DYTN: variants seen among roughly 807,000 people sequenced by gnomAD.
DYTN encodes dystrotelin.
DYTN carries 75 observed loss-of-function variants against 69.6 expected under a neutral mutation model. The ratio of observed to expected loss-of-function variants is 1.08; its 90% CI spans 0.89 to 1.31. The LOEUF is 1.31. DYTN is among the 50% of genes most tolerant of loss of function. DYTN has a pLI of 0.00. For synonymous variants in DYTN, 252 were observed against 249.1 expected, an observed-to-expected ratio of 1.01 and a Z score of -0.11; for missense variants, 726 against 688.4, an observed-to-expected ratio of 1.05 and a Z score of -0.61.
At chr2:206,672,716 T>A (rs899929749) in intron 9 of DYTN, among the ~76,000 whole-genome samples, 7 of 152,238 alleles carry the variant, frequency 4.6e-5, no homozygotes, top group Admixed American at 6.5e-5. Context: ...CTGAAAACCT[T>A]TCTTAAGCTC....
At chr2:206,654,086 C>T (rs13395560) in intron 11 of DYTN, among the ~76,000 whole-genome samples, 32,884 of 152,156 alleles carry the variant, frequency 0.22, 3,741 homozygotes, top group Admixed American at 0.27. Context: ...AATGAATTAG[C>T]GATTGAATGA....
chr2:206,654,840 G>A (rs1401500109), intron 11 of DYTN, among the ~76,000 whole-genome samples: 1 of 152,072 alleles, frequency 6.6e-6, no homozygotes, highest in African/African-American at 2.4e-5. Context: ...TCTAGATGGG[G>A]AAAAAAGGAA....
At chr2:206,711,851 T>C (rs1222246621) in intron 1 of DYTN, among the ~76,000 whole-genome samples, 2 of 151,698 alleles carry the variant, frequency 1.3e-5, no homozygotes, top group East Asian at 1.9e-4. Context: ...ATTTTTTCCA[T>C]TGATGCTCCA....
chr2:206,659,779 G>A (rs540146777), intron 11 of DYTN, among the ~76,000 whole-genome samples: 1 of 152,148 alleles, frequency 6.6e-6, no homozygotes, highest in East Asian at 1.9e-4. Context: ...ATATCAAATT[G>A]AATAACGATA....
chr2:206,666,244 G>C (rs552669636), intron 9 of DYTN, among the ~76,000 whole-genome samples: 9 of 152,112 alleles, frequency 5.9e-5, no homozygotes, highest in Non-Finnish European at 1.0e-4. Context: ...TCTGCCTCTT[G>C]GGTTCAAGTG....
At position 206,702,927 on chromosome 2, in the gene DYTN, A is replaced by T. The variant is rs762048936; in HGVS notation, c.483+1916T>A. Among the ~76,000 whole-genome samples the T allele has an allele frequency of 1.6e-3, 247 of 152,268 alleles. 7 individuals carry two copies. The highest frequency in any genetic ancestry group is 0.014 in the Middle Eastern group (4 of 294). On this transcript the variant is annotated intron_variant, in intron 5 of 11. Transcript: ENST00000452335. ...TGGCACACCGGCACAGGCAGACACCACTTGAAACGATAATTATGATGTTTA... is the reference window on the plus strand; with the variant it reads ...TGGCACACCGGCACAGGCAGACACCTCTTGAAACGATAATTATGATGTTTA...
intron 4 of DYTN, among the ~76,000 whole-genome samples, chr2:206,705,254 A>G (rs1030539434): frequency 6.6e-6 from 1 of 151,972 alleles, no homozygotes; most frequent in East Asian, 1.9e-4. Context: ...GTGCCACCAC[A>G]CCCGGCTAAT....
intron 9 of DYTN, among the ~76,000 whole-genome samples, chr2:206,678,415 T>A (rs1296835268): frequency 6.6e-6 from 1 of 152,240 alleles, no homozygotes; most frequent in Non-Finnish European, 1.5e-5. Context: ...TTAAAAATGT[T>A]TGTACTTTTC....
At chr2:206,691,489 A>G (rs1212242875) in intron 9 of DYTN, among the ~76,000 whole-genome samples, 3 of 152,000 alleles carry the variant, frequency 2.0e-5, no homozygotes, top group Non-Finnish European at 4.4e-5. Context: ...TCAAGTATCC[A>G]ATATATATAT....
intron 9 of DYTN, among the ~76,000 whole-genome samples, chr2:206,673,532 A>T (rs1437184367): frequency 6.6e-6 from 1 of 152,212 alleles, no homozygotes; most frequent in Non-Finnish European, 1.5e-5. Context: ...TTGGGGTTAC[A>T]GGCATGAGCC....
intron 9 of DYTN, 131 bp downstream of exon 9, chr2:206,693,044 G>A: frequency 7.5e-7 from 1 of 1,325,620 alleles, no homozygotes; most frequent in Admixed American, 3.1e-5. Flanking sequence ...AATATCTGAA[G>A]TCCAACCCTC....
intron 9 of DYTN, among the ~76,000 whole-genome samples, chr2:206,686,211 C>G (rs1438314855): frequency 6.6e-6 from 1 of 152,064 alleles, no homozygotes; most frequent in Non-Finnish European, 1.5e-5. Flanking sequence ...TTTTCTGTGC[C>G]TTTTTTGGTA....
intron 11 of DYTN, among the ~76,000 whole-genome samples, chr2:206,654,245 T>G (rs547260584): frequency 6.6e-6 from 1 of 152,184 alleles, no homozygotes; most frequent in African/African-American, 2.4e-5. Flanking sequence ...GAATTTGAAC[T>G]GTGTGAGCCA....
At chr2:206,680,549 C>T (rs1418583928) in intron 9 of DYTN, among the ~76,000 whole-genome samples, 1 of 152,088 alleles carries the variant, frequency 6.6e-6, no homozygotes, top group African/African-American at 2.4e-5. Flanking sequence ...TGAATTCCTT[C>T]CAGTATAGTA....
At chr2:206,652,366 C>T (rs1294173849) in intron 11 of DYTN, among the ~76,000 whole-genome samples, 1 of 152,140 alleles carries the variant, frequency 6.6e-6, no homozygotes, top group African/African-American at 2.4e-5. Context: ...TTTTGAGAAC[C>T]AGTGCTCTAT....
intron 9 of DYTN, among the ~76,000 whole-genome samples, chr2:206,692,958 A>G (rs989815482): frequency 3.9e-5 from 6 of 152,214 alleles, no homozygotes; most frequent in Admixed American, 2.0e-4. Context: ...AACTCTAAAC[A>G]TCTGGATGGG....
rs1054613354 is a variant in DYTN at position 206,693,336 on chromosome 2, C to A, written c.832-13G>T. 1 of 1,608,612 alleles carries A rather than the reference C, an allele frequency of 6.2e-7. No homozygotes were observed. ...GCATTGCTGACATCTGCTGAAAGGG[C>A]CAACATTTTTAAAAAGCGTCAGATC... On this transcript the variant is annotated splice_polypyrimidine_tract_variant and intron_variant, in intron 8 of 11. Transcript: ENST00000452335.
At chr2:206,684,737 CT>C (rs556332047) in intron 9 of DYTN, among the ~76,000 whole-genome samples, 68 of 152,276 alleles carry the variant, frequency 4.5e-4, no homozygotes, top group Non-Finnish European at 8.8e-4. Flanking sequence ...CTTCACCCAC[CT>C]CTTCTTCCCC....
chr2:206,712,132 C>T (rs1700083871), intron 1 of DYTN, among the ~76,000 whole-genome samples: 1 of 152,126 alleles, frequency 6.6e-6, no homozygotes, highest in Non-Finnish European at 1.5e-5. Context: ...GTTCCTGAAC[C>T]AACCACAGCA....
Sources: allele counts gnomAD v4.1 joint callset (sites outside exome capture counted in the v4.1 genomes callset), GRCh38; gene constraint gnomAD v4.1.1; transcripts MANE v1.5; gene names NCBI Gene and HGNC (gene_info 2026-07-23, HGNC 2026-07-21).